The following DCAF1 variants were observed in gnomAD, a reference collection of about 807,000 sequenced individuals.
The protein encoded by DCAF1 is DDB1 and CUL4 associated factor 1, also known as DDB1- and CUL4-associated factor 1.
In DCAF1, 15 loss-of-function variants were observed where a neutral mutation model predicts 128.0. The observed-to-expected ratio is 0.12, with a 90% CI of 0.08 to 0.18. DCAF1 has a LOEUF of 0.18. Among genes scored for constraint, DCAF1 ranks in the 10% least tolerant of loss-of-function variants. The pLI, the probability that DCAF1 is intolerant of heterozygous loss-of-function variation, is 1.00. For missense variants in DCAF1, 988 were observed against 1,649.5 expected (o/e 0.60, Z 6.95); for synonymous variants, 610 against 603.0 (o/e 1.01, Z -0.17).
chr3:51,478,913 A>G (rs752832624), intron 3 of DCAF1, among the ~76,000 whole-genome samples: 4 of 152,204 alleles, frequency 2.6e-5, no homozygotes, highest in Non-Finnish European at 4.4e-5. Context: ...GCAATTAGGA[A>G]CAATACATTT....
intron 6 of DCAF1, among the ~76,000 whole-genome samples, chr3:51,460,492 A>G (rs1703424690): frequency 6.6e-6 from 1 of 152,172 alleles, no homozygotes; most frequent in African/African-American, 2.4e-5. Context: ...TGCCCAAGGT[A>G]ATTTATAGAT....
chr3:51,471,061 C>A, intron 3 of DCAF1, 56 bp from the exon 4 acceptor site: 1 of 1,147,298 alleles, frequency 8.7e-7, no homozygotes, highest in South Asian at 1.5e-5. Flanking sequence ...AATGGACCAC[C>A]ACTACAACAG....
At chr3:51,411,753 T>C (rs1416122997) in intron 23 of DCAF1, among the ~76,000 whole-genome samples, 3 of 152,130 alleles carry the variant, frequency 2.0e-5, no homozygotes, top group Non-Finnish European at 2.9e-5. Flanking sequence ...CTGTTTTTTA[T>C]TGACATTGGG....
intron 20 of DCAF1, 108 bp downstream of exon 20, chr3:51,413,842 C>A: frequency 1.6e-6 from 2 of 1,263,550 alleles, no homozygotes; most frequent in Non-Finnish European, 2.0e-6. Context: ...TTACAACTCT[C>A]AAATGCTTTC....
At chr3:51,403,102 C>A in intron 24 of DCAF1, 41 bp downstream of exon 24, 1 of 1,566,476 alleles carries the variant, frequency 6.4e-7, no homozygotes, top group South Asian at 1.2e-5. Context: ...GGATCTTGCC[C>A]TGGGTGCCAA....
chr3:51,414,812 G>T lies in DCAF1; in HGVS notation c.3649C>A (p.Pro1217Thr). Residue 1217 changes from proline (P) to threonine (T), a missense_variant, in exon 19 of 25, where the codon CCA becomes ACA. Around this residue, in one of 11 missense-constraint regions of DCAF1, gnomAD observed 61 missense variants for 78.3 expected, o/e 0.78. Coordinates refer to ENST00000684031, the MANE Select transcript of DCAF1 (RefSeq NM_001387579.1). ...TGNKLLTLFNPDLANNYKRNC... is the reference protein window; with the variant it reads ...TGNKLLTLFNTDLANNYKRNC... Reference sequence around the variant, plus strand: ...CTCTTGTAGTTGTTGGCAAGATCTGGGTTAAACAGAGTCAACAGCTTGTTG... The same window carrying T: ...CTCTTGTAGTTGTTGGCAAGATCTGTGTTAAACAGAGTCAACAGCTTGTTG... 6.2e-7 allele frequency: 1 copy of T among 1,613,978 alleles called. No individual in the cohort carries two copies. The highest frequency in any genetic ancestry group is 1.1e-5 in the South Asian group (1 of 91,080).
At chr3:51,489,494 A>C (rs772434946) in intron 2 of DCAF1, among the ~76,000 whole-genome samples, 1 of 151,984 alleles carries the variant, frequency 6.6e-6, no homozygotes, top group African/African-American at 2.4e-5. Flanking sequence ...ATTAGGCAAG[A>C]AAAAGAAATA....
intron 6 of DCAF1, among the ~76,000 whole-genome samples, chr3:51,459,609 G>C (rs1703314288): frequency 6.6e-6 from 1 of 152,108 alleles, no homozygotes; most frequent in Admixed American, 6.6e-5. Flanking sequence ...AACCAAAAAA[G>C]AGAATTTTAG....
At chr3:51,452,816 A>C (rs782514133) in intron 6 of DCAF1, among the ~76,000 whole-genome samples, 2 of 152,158 alleles carry the variant, frequency 1.3e-5, no homozygotes, top group Non-Finnish European at 2.9e-5. Flanking sequence ...ATTCAAGACC[A>C]GCCTGGCCAA....
intron 24 of DCAF1, among the ~76,000 whole-genome samples, chr3:51,401,425 CAGAA>C (rs1206962648): frequency 6.6e-6 from 1 of 152,202 alleles, no homozygotes; most frequent in Non-Finnish European, 1.5e-5. Context: ...CTATGAAACA[CAGAA>C]AGAGCCATGG....
At chr3:51,495,097 T>G (rs1009800751) in intron 2 of DCAF1, among the ~76,000 whole-genome samples, 1 of 143,552 alleles carries the variant, frequency 7.0e-6, no homozygotes, top group Non-Finnish European at 1.5e-5. Context: ...CCAATGCGGG[T>G]GTATCATCTG....
At position 51,491,227 on chromosome 3, in the gene DCAF1, A is replaced by G. The variant is rs535252374; in HGVS notation, c.-9+5507T>C. ...GCTGGGCGTGTTGGCACGCACCTGT[A>G]ATCCCAGCTACTGGGACAGCTGAGG... On this transcript the variant is annotated intron_variant, in intron 2 of 24. Transcript: ENST00000684031. Among the ~76,000 whole-genome samples, 4 of 151,900 alleles carry G rather than the reference A, an allele frequency of 2.6e-5. No individual in the cohort carries two copies. The East Asian group carries it at 7.8e-4, about 30-fold the overall frequency.
chr3:51,420,837 C>T lies in DCAF1; in HGVS notation c.2133G>A (p.Leu711=). 1.2e-6 allele frequency: 2 copies of T among 1,613,976 alleles called. No individual in the cohort carries two copies. Among genetic ancestry groups the T allele is most frequent in the Middle Eastern group, 3.3e-4 (2 of 6,062 alleles). Residue 711 remains leucine, a synonymous_variant, in exon 15 of 25, where the codon CTG becomes CTA. Coordinates refer to ENST00000684031, the MANE Select transcript of DCAF1 (RefSeq NM_001387579.1). This position sits in a 1 kb window ranked among gnomAD's most constrained non-coding sequence, Gnocchi z 6.5. ...GCTCACTGCTTTTAGGGTTCTGAGG[C>T]AGCTTTCTCCGAGGAGTACCAGAGA... ...KFISGTPRRK[L]PQNPKSSEHT...
At chr3:51,445,871 T>G (rs557690477) in intron 6 of DCAF1, among the ~76,000 whole-genome samples, 1 of 152,348 alleles carries the variant, frequency 6.6e-6, no homozygotes, top group East Asian at 1.9e-4. Flanking sequence ...TCATTTAATT[T>G]GAATGTCCTT....
intron 3 of DCAF1, 104 bp downstream of exon 3, chr3:51,483,609 TTGTGTG>T (rs57475291): frequency 9.3e-4 from 443 of 475,454 alleles, no homozygotes; most frequent in Middle Eastern, 4.6e-3. Flanking sequence ...TTAAACTAGT[TTGTGTG>T]TGTGTGTGTG....
At chr3:51,500,220 T>G (rs1243939372), upstream of DCAF1, among the ~76,000 whole-genome samples, 1 of 150,184 alleles carries the variant, frequency 6.7e-6, no homozygotes, top group African/African-American at 2.5e-5. Flanking sequence ...CAGTCCCAAT[T>G]GACGCATGAG....
At chr3:51,428,298 C>A (rs1467675321) in intron 12 of DCAF1, among the ~76,000 whole-genome samples, 1 of 151,410 alleles carries the variant, frequency 6.6e-6, no homozygotes, top group Non-Finnish European at 1.5e-5. Flanking sequence ...ATCTCAGCCT[C>A]CCAAGTAGCT....
At chr3:51,404,901 T>C (rs782491645) in intron 23 of DCAF1, among the ~76,000 whole-genome samples, 2 of 152,090 alleles carry the variant, frequency 1.3e-5, no homozygotes, top group Non-Finnish European at 2.9e-5. Context: ...TCAACAATGA[T>C]AAACTGAAAC....
At chr3:51,429,862 A>G (rs1306468910) in intron 11 of DCAF1, among the ~76,000 whole-genome samples, 171 bp downstream of exon 11, 1 of 152,122 alleles carries the variant, frequency 6.6e-6, no homozygotes, top group Non-Finnish European at 1.5e-5. Context: ...CTAACTACTA[A>G]AGAAAAAGAG....
Sources: gnomAD v4.1 joint callset for allele counts (sites outside exome capture counted in the v4.1 genomes callset) on GRCh38, gnomAD v4.1.1 for gene constraint, gnomAD v4.1.1 regional missense constraint, Gnocchi (gnomAD v3.1) non-coding constraint, MANE v1.5 for transcripts, NCBI Gene and HGNC (gene_info 2026-07-23, HGNC 2026-07-21) for gene names.